Variants in DGKB observed in about 807,000 individuals in gnomAD.
DGKB encodes diacylglycerol kinase beta, also known as 90 kDa diacylglycerol kinase.
DGKB carries 67 observed loss-of-function variants against 114.3 expected under a neutral mutation model. The ratio of observed to expected loss-of-function variants is 0.59; its 90% confidence interval spans 0.48 to 0.72. The LOEUF (loss-of-function observed/expected upper bound fraction) is 0.72, where lower values mean the gene tolerates loss of function less well. DGKB is among the 30% of genes least tolerant of loss of function. The probability of loss-of-function intolerance (pLI) is 0.00; values close to 1 mark genes in which losing one functional copy is unlikely to be tolerated. For synonymous variants in DGKB, 398 were observed against 323.1 expected, an observed-to-expected ratio of 1.23 and a Z score of -2.49; for missense variants, 907 against 975.2, an observed-to-expected ratio of 0.93 and a Z score of 0.93.
At position 14,959,254 on chromosome 7, in the gene DGKB, T is replaced by C. The variant is rs150339221; in HGVS notation, c.-188+15442A>G. 4.7e-4 allele frequency among the ~76,000 whole-genome samples: 72 copies of C among 152,226 alleles called. No individual in the cohort carries two copies. The East Asian group carries it at 0.013, about 27-fold the overall frequency. On this transcript the variant is annotated intron_variant, in intron 1 of 4. Coordinates refer to the DGKB transcript ENST00000437998. ...GATAAGTTTATTTCTAGGTACTTTA[T>C]AGTTTTTTTTCAGTTACATTTGCTA...
At chr7:14,162,153 A>C (rs987342281) in intron 25 of DGKB, among the ~76,000 whole-genome samples, 16 of 152,200 alleles carry the variant, frequency 1.1e-4, no homozygotes, top group Admixed American at 9.8e-4. Flanking sequence ...GAAAATTAAT[A>C]GTTAGAAAAG....
At chr7:14,507,778 A>G (rs541224246) in intron 20 of DGKB, among the ~76,000 whole-genome samples, 1 of 152,288 alleles carries the variant, frequency 6.6e-6, no homozygotes, top group Non-Finnish European at 1.5e-5. Flanking sequence ...AAGTAGGCAC[A>G]ATGCCAAACA....
intron 2 of DGKB, among the ~76,000 whole-genome samples, chr7:14,797,819 GT>G (rs1841610899): frequency 6.6e-6 from 1 of 152,026 alleles, no homozygotes; most frequent in African/African-American, 2.4e-5. Flanking sequence ...TCCTTCTCCT[GT>G]TTTTCACAGA....
chr7:14,162,976 A>G (rs892990444), intron 25 of DGKB, among the ~76,000 whole-genome samples: 2 of 152,224 alleles, frequency 1.3e-5, no homozygotes, highest in Non-Finnish European at 2.9e-5. Context: ...TGAGAAAATG[A>G]CAGAGCTGCA....
intron 13 of DGKB, among the ~76,000 whole-genome samples, chr7:14,669,511 A>C (rs1818596859): frequency 6.6e-6 from 1 of 152,174 alleles, no homozygotes; most frequent in African/African-American, 2.4e-5. Context: ...CTGTCTCTTC[A>C]GTGAACATCT....
chr7:14,693,138 T>G (rs1437290575), intron 9 of DGKB, among the ~76,000 whole-genome samples: 1 of 152,138 alleles, frequency 6.6e-6, no homozygotes, highest in Admixed American at 6.6e-5. Context: ...AGTTTTGGGT[T>G]TGGCAGCAAA....
chr7:14,777,361 G>T (rs1028816617), intron 2 of DGKB, among the ~76,000 whole-genome samples: 1 of 152,072 alleles, frequency 6.6e-6, no homozygotes, highest in Admixed American at 6.5e-5. Context: ...TGGGAGAGCT[G>T]GGGGCAGAAT....
At chr7:14,268,878 C>T (rs1562792176) in intron 23 of DGKB, 5 of 152,260 alleles carry the variant, frequency 3.3e-5, no homozygotes, top group African/African-American at 7.2e-5. Flanking sequence ...TATTGGTTAT[C>T]TATTGTGAAT....
chr7:14,634,410 G>A (rs534418746), intron 13 of DGKB, among the ~76,000 whole-genome samples: 2 of 148,762 alleles, frequency 1.3e-5, no homozygotes. Context: ...TAAGTGGTTT[G>A]GAAATAAAAT....
At chr7:14,939,728 C>T (rs1401704101) in intron 1 of DGKB, among the ~76,000 whole-genome samples, 1 of 148,614 alleles carries the variant, frequency 6.7e-6, no homozygotes, top group Non-Finnish European at 1.5e-5. Flanking sequence ...ATTCTCCTGC[C>T]TCAGACTCCT....
At chr7:14,646,725 A>T (rs1369138347) in intron 13 of DGKB, among the ~76,000 whole-genome samples, 1 of 152,016 alleles carries the variant, frequency 6.6e-6, no homozygotes, top group African/African-American at 2.4e-5. Context: ...ATTAAACAAC[A>T]TGCTCCTGAA....
chr7:14,377,532 A>G (rs369223686), intron 21 of DGKB, among the ~76,000 whole-genome samples: 63 of 152,300 alleles, frequency 4.1e-4, no homozygotes, highest in African/African-American at 1.5e-3. Flanking sequence ...CTTCTAAATA[A>G]TCATTCTTAT....
upstream of DGKB, among the ~76,000 whole-genome samples, chr7:14,904,868 A>T (rs568161773): frequency 5.9e-5 from 9 of 152,288 alleles, no homozygotes; most frequent in East Asian, 1.3e-3. Flanking sequence ...GGAAGTAGGC[A>T]CAAGAAGTCT....
chr7:14,630,158 C>A (rs76739775), intron 14 of DGKB, 78 bp downstream of exon 14: 2 of 937,204 alleles, frequency 2.1e-6, no homozygotes, highest in South Asian at 2.0e-5. Flanking sequence ...TGAGCCAGCA[C>A]AAAATGTTCT....
chr7:14,878,905 G>A (rs1001655651), intron 1 of DGKB, among the ~76,000 whole-genome samples: 2 of 149,448 alleles, frequency 1.3e-5, no homozygotes, highest in Admixed American at 1.3e-4. Flanking sequence ...ATAGGCTATA[G>A]GTTACAAGAT....
At chr7:14,659,460 G>A (rs907071463) in intron 13 of DGKB, among the ~76,000 whole-genome samples, 2 of 151,256 alleles carry the variant, frequency 1.3e-5, no homozygotes, top group Admixed American at 6.6e-5. Flanking sequence ...CCCTTGTAAG[G>A]TGGATTCCTA....
chr7:14,329,726 C>T (rs1305449821), intron 23 of DGKB, among the ~76,000 whole-genome samples: 1 of 151,962 alleles, frequency 6.6e-6, no homozygotes. Context: ...AGATCGCTAT[C>T]AGGCTTTATA....
chr7:14,258,298 G>A (rs762903030), intron 23 of DGKB, among the ~76,000 whole-genome samples: 90 of 152,158 alleles, frequency 5.9e-4, no homozygotes, highest in Non-Finnish European at 9.1e-4. Flanking sequence ...AGGTAATCAT[G>A]CTTGGAGAAG....
At chr7:14,781,770 A>C (rs1228896705) in intron 2 of DGKB, among the ~76,000 whole-genome samples, 1 of 152,136 alleles carries the variant, frequency 6.6e-6, no homozygotes, top group African/African-American at 2.4e-5. Flanking sequence ...CTCTGGGCTT[A>C]TCCTCATTAC....
Sources: gnomAD v4.1 joint callset for allele counts (sites outside exome capture counted in the v4.1 genomes callset) on GRCh38, gnomAD v4.1.1 for gene constraint, MANE v1.5 for transcripts, NCBI Gene and HGNC (gene_info 2026-07-23, HGNC 2026-07-21) for gene names.